The following OCLN variants were observed in gnomAD, a reference collection of about 807,000 sequenced individuals.
OCLN encodes occludin.
OCLN carries 21 observed loss-of-function variants against 47.9 expected under a neutral mutation model. That is an observed-to-expected ratio of 0.44 (90% CI 0.31 to 0.63). The LOEUF (loss-of-function observed/expected upper bound fraction) is 0.63, where lower values mean the gene tolerates loss of function less well. Ranked by LOEUF, OCLN falls within the 30% of genes least tolerant of loss-of-function variation. OCLN has a pLI of 0.08. For missense variants in OCLN, 360 were observed against 571.0 expected (o/e 0.63, Z 3.77); for synonymous variants, 117 against 198.4 (o/e 0.59, Z 3.45).
At chr5:69,510,453 G>A (rs994438160) in intron 3 of OCLN, among the ~76,000 whole-genome samples, 1 of 152,036 alleles carries the variant, frequency 6.6e-6, no homozygotes, top group Non-Finnish European at 1.5e-5. Context: ...AGGCTGAGGC[G>A]GGCGGATCAT....
At chr5:69,528,225 T>C (rs1769335502) in intron 4 of OCLN, among the ~76,000 whole-genome samples, 1 of 152,090 alleles carries the variant, frequency 6.6e-6, no homozygotes, top group Non-Finnish European at 1.5e-5. Flanking sequence ...TGAGAACCTG[T>C]AGTACAAGGG....
intron 4 of OCLN, among the ~76,000 whole-genome samples, chr5:69,518,378 T>C (rs1453630222): frequency 6.6e-6 from 1 of 152,232 alleles, no homozygotes; most frequent in Non-Finnish European, 1.5e-5. Context: ...AGAGGCAAAT[T>C]CCTCATTTCT....
rs1308687119 is a variant in OCLN at position 69,555,250 on chromosome 5, TG to T, written c.*1580del. ...TGCCTGGCCTAAGTGTGTGTGTGTG[TG>T]TGTGTGTGTATTTTTTTTTTTTTTT... On this transcript the variant is annotated 3_prime_UTR_variant, in exon 9 of 9. Transcript: ENST00000396442. 8 of 134,420 alleles carry T rather than the reference TG, an allele frequency of 6.0e-5. No individual in the cohort carries two copies. In the South Asian group the frequency reaches 1.9e-3, roughly 31 times the overall value. 8.3% of individuals were successfully genotyped at this position (134,420 alleles called of 1,614,324 possible). A position where few individuals can be genotyped will look rare whatever the true frequency, so the allele number is the denominator to read the frequency against.
At chr5:69,516,269 C>T (rs1348514542) in intron 4 of OCLN, among the ~76,000 whole-genome samples, 1 of 152,244 alleles carries the variant, frequency 6.6e-6, no homozygotes, top group African/African-American at 2.4e-5. Flanking sequence ...CCGAGGCTGG[C>T]GGATCAGTCG....
At chr5:69,535,037 T>TG (rs549231346) in intron 5 of OCLN, among the ~76,000 whole-genome samples, 198 bp downstream of exon 5, 848 of 151,746 alleles carry the variant, frequency 5.6e-3, no homozygotes, top group Non-Finnish European at 9.0e-3. Flanking sequence ...ATGAGGAGGG[T>TG]GGGGTTCTAT....
At chr5:69,531,795 A>G (rs960445730) in intron 4 of OCLN, among the ~76,000 whole-genome samples, 1 of 152,200 alleles carries the variant, frequency 6.6e-6, no homozygotes, top group Non-Finnish European at 1.5e-5. Flanking sequence ...ATCTTTCTGT[A>G]TGTGATACTG....
chr5:69,519,684 A>G (rs1769078956), intron 4 of OCLN, among the ~76,000 whole-genome samples: 3 of 152,120 alleles, frequency 2.0e-5, no homozygotes, highest in Non-Finnish European at 4.4e-5. Context: ...TATTTGGTTA[A>G]GTATGGATGA....
At chr5:69,529,623 T>C (rs540990770) in intron 4 of OCLN, among the ~76,000 whole-genome samples, 1 of 152,260 alleles carries the variant, frequency 6.6e-6, no homozygotes, top group Non-Finnish European at 1.5e-5. Flanking sequence ...TTTTTTCTTT[T>C]TTTTGAGATG....
intron 4 of OCLN, among the ~76,000 whole-genome samples, chr5:69,515,186 GC>G (rs1768900706): frequency 6.7e-6 from 1 of 149,008 alleles, no homozygotes; most frequent in Non-Finnish European, 1.5e-5. Context: ...GGACGGGGCG[GC>G]TGGCCGGGCA....
At chr5:69,515,687 C>T (rs1459063136) in intron 4 of OCLN, among the ~76,000 whole-genome samples, 33 of 151,758 alleles carry the variant, frequency 2.2e-4, no homozygotes, top group African/African-American at 6.8e-4. Flanking sequence ...AGAGACGCTC[C>T]TCACTTCCCA....
intron 7 of OCLN, among the ~76,000 whole-genome samples, chr5:69,549,388 T>C (rs1769799010): frequency 7.1e-6 from 1 of 140,514 alleles, no homozygotes; most frequent in South Asian, 2.3e-4. Flanking sequence ...CAGAACTGTA[T>C]ACAGAAAAAG....
At chr5:69,516,210 G>A (rs1768962397) in intron 4 of OCLN, among the ~76,000 whole-genome samples, 1 of 152,164 alleles carries the variant, frequency 6.6e-6, no homozygotes, top group African/African-American at 2.4e-5. Flanking sequence ...GGGCACCATT[G>A]AGCACTGAGT....
intron 4 of OCLN, among the ~76,000 whole-genome samples, chr5:69,519,627 T>C (rs1769077263): frequency 6.6e-6 from 1 of 152,232 alleles, no homozygotes; most frequent in Admixed American, 6.5e-5. Flanking sequence ...GGTCTTTGTT[T>C]TGTTCTGCCC....
intron 1 of OCLN, among the ~76,000 whole-genome samples, chr5:69,499,730 G>A (rs1320974982): frequency 3.3e-5 from 5 of 152,024 alleles, no homozygotes; most frequent in South Asian, 2.1e-4. Flanking sequence ...GGCTACAGGC[G>A]CGCGCCACCA....
intron 4 of OCLN, among the ~76,000 whole-genome samples, chr5:69,526,443 G>A (rs1422160353): frequency 6.8e-6 from 1 of 146,762 alleles, no homozygotes; most frequent in Non-Finnish European, 1.5e-5. Context: ...TCTGGCATGA[G>A]GTACAGGTAT....
intron 1 of OCLN, among the ~76,000 whole-genome samples, chr5:69,501,299 A>G (rs543807479): frequency 1.3e-5 from 2 of 152,312 alleles, no homozygotes; most frequent in South Asian, 4.1e-4. Context: ...TTTCGCCTAA[A>G]TTGCTCATTT....
intron 3 of OCLN, among the ~76,000 whole-genome samples, chr5:69,513,394 T>C (rs1462206987): frequency 6.6e-6 from 1 of 152,232 alleles, no homozygotes; most frequent in East Asian, 1.9e-4. Flanking sequence ...ATTTATAGCT[T>C]GATTAGATCC....
chr5:69,505,632 G>T (rs556019627), intron 2 of OCLN, among the ~76,000 whole-genome samples: 1 of 152,312 alleles, frequency 6.6e-6, no homozygotes, highest in African/African-American at 2.4e-5. Context: ...AACAAGCAGT[G>T]TTGAGGGGTT....
At chr5:69,517,654 G>A (rs1177196371) in intron 4 of OCLN, among the ~76,000 whole-genome samples, 1 of 152,102 alleles carries the variant, frequency 6.6e-6, no homozygotes, top group African/African-American at 2.4e-5. Flanking sequence ...AGGAAATCTA[G>A]GAAGATAGAT....
Sources: allele counts gnomAD v4.1 joint callset (sites outside exome capture counted in the v4.1 genomes callset), GRCh38; gene constraint gnomAD v4.1.1; transcripts MANE v1.5; gene names NCBI Gene and HGNC (gene_info 2026-07-23, HGNC 2026-07-21).